Variants in ITGA11 observed in about 807,000 individuals in gnomAD.
The protein encoded by ITGA11 is integrin subunit alpha 11.
Under a neutral mutation model 141.9 loss-of-function variants are expected in ITGA11, and 97 were observed. The ratio of observed to expected loss-of-function variants is 0.68; its 90% CI spans 0.58 to 0.81. The LOEUF (loss-of-function observed/expected upper bound fraction) is 0.81. ITGA11 is among the 30% of genes least tolerant of loss of function. The probability of loss-of-function intolerance (pLI) is 0.00; values close to 1 mark genes in which losing one functional copy is unlikely to be tolerated. For synonymous variants in ITGA11, 658 were observed against 624.6 expected (o/e 1.05, Z -0.80); for missense variants, 1,387 against 1,559.2 (o/e 0.89, Z 1.86).
At chr15:68,387,780 T>C (rs976362879) in intron 2 of ITGA11, among the ~76,000 whole-genome samples, 1 of 152,074 alleles carries the variant, frequency 6.6e-6, no homozygotes, top group African/African-American at 2.4e-5. Context: ...GAGCTGGAAG[T>C]CCTTACGATG....
intron 2 of ITGA11, among the ~76,000 whole-genome samples, chr15:68,385,937 C>T (rs1595886723): frequency 6.6e-6 from 1 of 152,282 alleles, no homozygotes; most frequent in South Asian, 2.1e-4. Flanking sequence ...AGGCCAACCC[C>T]ACCCACAGGC....
Position 68,298,458 on chromosome 15 carries a change from C to A in ITGA11, c.*4601G>T, listed in dbSNP as rs981633684. The A allele has an allele frequency of 1.1e-4, 17 of 151,884 alleles. No individual in the cohort carries two copies. Among genetic ancestry groups the A allele is most frequent in the African/African-American group, 4.1e-4 (17 of 41,328 alleles). 9.4% of individuals were successfully genotyped at this position (151,884 alleles called of 1,614,324 possible). A position where few individuals can be genotyped will look rare whatever the true frequency, so the allele number is the denominator to read the frequency against. On this transcript the variant is annotated 3_prime_UTR_variant, in exon 30 of 30. Coordinates refer to ENST00000315757, the MANE Select transcript of ITGA11 (RefSeq NM_001004439.2). Reference sequence around the variant, plus strand: ...GCAACAAAGTGAGACCCCCTCTCTGCACAAAATTAAAAAAAAAATTAGCTG... The same window carrying A: ...GCAACAAAGTGAGACCCCCTCTCTGAACAAAATTAAAAAAAAAATTAGCTG...
intron 1 of ITGA11, among the ~76,000 whole-genome samples, chr15:68,407,594 G>A (rs925716934): frequency 6.6e-6 from 1 of 152,196 alleles, no homozygotes; most frequent in African/African-American, 2.4e-5. Context: ...GATGTTGGGA[G>A]CCTGGTTGGG....
intron 2 of ITGA11, among the ~76,000 whole-genome samples, chr15:68,397,248 ATTT>A (rs1896303325): frequency 0.5 from 4 of 8 alleles, 2 homozygotes; most frequent in African/African-American, 0.67. Context: ...ATTATATTAT[ATTT>A]TATAAAATAT....
intron 22 of ITGA11, 49 bp downstream of exon 22, chr15:68,315,602 G>C (rs1893545195): frequency 1.3e-6 from 2 of 1,489,320 alleles, no homozygotes; most frequent in African/African-American, 1.4e-5. Context: ...CAGAGAGCTG[G>C]GCCCCGGAAT....
rs1460199658 is a variant in ITGA11, at chr15:68,303,276, G to GA, written c.3496-147dup. 7.8e-5 allele frequency: 55 copies of GA among 704,052 alleles called. No homozygotes were observed. In the Admixed American group the frequency reaches 1.4e-3, roughly 18 times the overall value. The allele number at this position is 704,052 out of a possible 1,614,324, so 43.6% of individuals were successfully genotyped here. On this transcript the variant is annotated intron_variant, in intron 29 of 29. Coordinates refer to ENST00000315757, the MANE Select transcript of ITGA11 (RefSeq NM_001004439.2). The surrounding 1 kb of genome is among the most constrained non-coding windows in gnomAD (Gnocchi z 5.3). ...CTCATTCTGAGCACCCCCTCCTCCA[G>GA]AACTGCCTCTGTGGACTGGAACACA...
intron 11 of ITGA11, among the ~76,000 whole-genome samples, chr15:68,337,274 C>T (rs1484477002): frequency 1.3e-5 from 2 of 152,200 alleles, no homozygotes; most frequent in Non-Finnish European, 2.9e-5. Flanking sequence ...CTTTGGTACC[C>T]AGGCAACTCT....
chr15:68,428,006 A>G (rs1897184104), intron 1 of ITGA11, among the ~76,000 whole-genome samples: 1 of 152,128 alleles, frequency 6.6e-6, no homozygotes, highest in Non-Finnish European at 1.5e-5. Flanking sequence ...CTCATTTTGT[A>G]GCTGACCTTC....
At position 68,335,998 on chromosome 15, in the gene ITGA11, C is replaced by T; in HGVS notation, c.1277-153G>A. The T allele has an allele frequency of 2.2e-6, 2 of 901,332 alleles. No individual in the cohort carries two copies. The highest frequency in any genetic ancestry group is 3.3e-6 in the Non-Finnish European group (2 of 599,962). 55.8% of individuals were successfully genotyped at this position (901,332 alleles called of 1,614,324 possible). A position where few individuals can be genotyped will look rare whatever the true frequency, so the allele number is the denominator to read the frequency against. Reference sequence around the variant, plus strand: ...GATTCAATCACGCAGGGCCATAATTCCTAGGGGCAGCTGGGGAGGCCTGGA... The same window carrying T: ...GATTCAATCACGCAGGGCCATAATTTCTAGGGGCAGCTGGGGAGGCCTGGA... On this transcript the variant is annotated intron_variant, in intron 11 of 29. Coordinates refer to ENST00000315757, the MANE Select transcript of ITGA11 (RefSeq NM_001004439.2). The surrounding 1 kb of genome is among the most constrained non-coding windows in gnomAD (Gnocchi z 4.9).
rs574276907 is a variant in ITGA11 at position 68,304,011 on chromosome 15, G to A, written c.3382-126C>T. On this transcript the variant is annotated intron_variant, in intron 28 of 29. Coordinates refer to ENST00000315757, the MANE Select transcript of ITGA11 (RefSeq NM_001004439.2). The surrounding 1 kb of genome is among the most constrained non-coding windows in gnomAD (Gnocchi z 6.1). ...GGAGCTGCATCCTCTTCCTCAGGGG[G>A]ATACCAGAGGGATGGGTGGACAGGC... 4 of 605,006 alleles carry A rather than the reference G, an allele frequency of 6.6e-6. No individual in the cohort carries two copies. Among genetic ancestry groups the A allele is most frequent in the Admixed American group, 2.7e-5 (1 of 37,214 alleles). The allele number at this position is 605,006 out of a possible 1,614,324, so 37.5% of individuals were successfully genotyped here. A position where few individuals can be genotyped will look rare whatever the true frequency, so the allele number is the denominator to read the frequency against.
At chr15:68,306,461 C>T (rs1446537973) in intron 28 of ITGA11, among the ~76,000 whole-genome samples, 1 of 152,200 alleles carries the variant, frequency 6.6e-6, no homozygotes, top group Non-Finnish European at 1.5e-5. Context: ...GGGGATGTCC[C>T]TCGCTCGGAA....
At chr15:68,382,253 T>C (rs1256987011) in intron 2 of ITGA11, among the ~76,000 whole-genome samples, 2 of 152,172 alleles carry the variant, frequency 1.3e-5, no homozygotes, top group African/African-American at 4.8e-5. Context: ...TATAAAATCA[T>C]TGGCTCGGCA....
At chr15:68,380,627 G>C (rs75644302) in intron 2 of ITGA11, among the ~76,000 whole-genome samples, 1 of 152,170 alleles carries the variant, frequency 6.6e-6, no homozygotes, top group African/African-American at 2.4e-5. Context: ...CCTGGACAGA[G>C]GCTTGCATAA....
At chr15:68,431,070 G>A (rs1183004485) in intron 1 of ITGA11, among the ~76,000 whole-genome samples, 3 of 152,254 alleles carry the variant, frequency 2.0e-5, no homozygotes, top group Non-Finnish European at 4.4e-5. Context: ...GCCCTTGCCG[G>A]AGCACTTGGC....
chr15:68,367,836 C>A (rs1895474198), intron 3 of ITGA11, among the ~76,000 whole-genome samples: 1 of 152,228 alleles, frequency 6.6e-6, no homozygotes, highest in Admixed American at 6.5e-5. Flanking sequence ...TCCGCATGGA[C>A]ACACAGCAAA....
chr15:68,389,274 C>T (rs564615413), intron 2 of ITGA11, among the ~76,000 whole-genome samples: 4 of 152,348 alleles, frequency 2.6e-5, no homozygotes, highest in South Asian at 2.1e-4. Flanking sequence ...CATCTGAGAT[C>T]GGGGTTCTGT....
chr15:68,357,349 T>A (rs370354570), intron 6 of ITGA11, 50 bp from the exon 7 acceptor site: 404 of 1,577,656 alleles, frequency 2.6e-4, no homozygotes, highest in Non-Finnish European at 3.2e-4. Flanking sequence ...CATGAACCCA[T>A]GAACCTTAGA....
rs565563149 is a variant in ITGA11 at position 68,352,746 on chromosome 15, G to T, written c.750-1344C>A. On this transcript the variant is annotated intron_variant, in intron 7 of 29. Coordinates refer to ENST00000315757, the MANE Select transcript of ITGA11 (RefSeq NM_001004439.2). ...TTTTATTTTGTTTTCAGTGCCCAGA[G>T]CATGAGCTCAGCCCACCTATCAGGC... 3.9e-4 allele frequency among the ~76,000 whole-genome samples: 60 copies of T among 152,270 alleles called. 1 individual carries two copies. Among genetic ancestry groups the T allele is most frequent in the Admixed American group, 3.9e-3 (60 of 15,296 alleles).
rs137973887 is a variant in ITGA11, at chr15:68,385,614, G to A, written c.165-16330C>T. Among the ~76,000 whole-genome samples, 102 of 152,304 alleles carry A rather than the reference G, an allele frequency of 6.7e-4. 2 individuals are homozygous for A. In the East Asian group the frequency reaches 0.019, roughly 28 times the overall value. Reference sequence around the variant, plus strand: ...TTAGCCCAACTAGAATTTAGTTTGGGTAAATATCATCTACAAAGTCTTGAG... The same window carrying A: ...TTAGCCCAACTAGAATTTAGTTTGGATAAATATCATCTACAAAGTCTTGAG... On this transcript the variant is annotated intron_variant, in intron 2 of 29. Coordinates refer to ENST00000315757, the MANE Select transcript of ITGA11 (RefSeq NM_001004439.2).
Sources: gnomAD v4.1 joint callset for allele counts (sites outside exome capture counted in the v4.1 genomes callset) on GRCh38, gnomAD v4.1.1 for gene constraint, Gnocchi (gnomAD v3.1) non-coding constraint, MANE v1.5 for transcripts, NCBI Gene and HGNC (gene_info 2026-07-23, HGNC 2026-07-21) for gene names.